The following ITPR1 variants were observed in gnomAD, a reference collection of about 807,000 sequenced individuals.
The protein encoded by ITPR1 is inositol 1,4,5-trisphosphate-gated calcium channel ITPR1.
Under a neutral mutation model 318.4 loss-of-function variants are expected in ITPR1, and 96 were observed. The observed-to-expected ratio is 0.30, with a 90% CI of 0.26 to 0.36. The LOEUF (loss-of-function observed/expected upper bound fraction) is 0.36. Among genes scored for constraint, ITPR1 ranks in the 10% least tolerant of loss-of-function variants. The pLI, the probability that ITPR1 is intolerant of heterozygous loss-of-function variation, is 1.00. For synonymous variants in ITPR1, 1,312 were observed against 1,289.9 expected, an observed-to-expected ratio of 1.02 and a Z score of -0.37; for missense variants, 2,440 against 3,460.2, an observed-to-expected ratio of 0.71 and a Z score of 7.40.
intron 4 of ITPR1, 72 bp from the exon 5 acceptor site, chr3:4,627,691 C>CTT: frequency 4.3e-5 from 34 of 791,410 alleles, no homozygotes; most frequent in South Asian, 1.1e-4. Flanking sequence ...AGTGGAAAGC[C>CTT]TTTTTTTTTT....
chr3:4,777,821 T>C (rs7633658), intron 48 of ITPR1, among the ~76,000 whole-genome samples: 3,090 of 151,314 alleles, frequency 0.02, 115 homozygotes, highest in African/African-American at 0.07. Context: ...CAAACATGTA[T>C]TTTTACTTAA....
At chr3:4,661,442 C>G (rs1020525484) in intron 14 of ITPR1, among the ~76,000 whole-genome samples, 2 of 152,072 alleles carry the variant, frequency 1.3e-5, no homozygotes, top group African/African-American at 4.8e-5. Flanking sequence ...TTCCCCCAAT[C>G]TCTATTATTT....
Position 4,670,745 on chromosome 3 carries a change from T to C in ITPR1, c.2023T>C (p.Phe675Leu). ...GTTTTCTAGGTTGGTTCTTTCTCGT[T>C]TTGAATTTGAAGGTGTCTCTTCCAC... ...LIETKLVLSR[F>L]EFEGVSSTGE... is the part of the protein sequence containing the mutation. Residue 675 changes from phenylalanine to leucine, a missense_variant, in exon 20 of 62, where the codon TTT becomes CTT. By Grantham distance (22) the Phe-to-Leu change is conservative. This residue lies in a region of ITPR1 where 478 missense variants were observed against 696.3 expected (regional missense o/e 0.69). Transcript: ENST00000649015. 1 of 1,593,606 alleles carries C rather than the reference T, an allele frequency of 6.3e-7. No individual in the cohort carries two copies. Among genetic ancestry groups the C allele is most frequent in the Non-Finnish European group, 8.6e-7 (1 of 1,169,054 alleles).
At chr3:4,546,701 AG>A (rs1390642876) in intron 4 of ITPR1, among the ~76,000 whole-genome samples, 1 of 150,762 alleles carries the variant, frequency 6.6e-6, no homozygotes, top group Non-Finnish European at 1.5e-5. Flanking sequence ...TTAATGGCAG[AG>A]GTGTAGGGTG....
rs114440637 is a variant in ITPR1 at position 4,574,014 on chromosome 3, T to C, written c.163+52920T>C. ...CGTAAAATAATATTTTGTAGCCATG[T>C]GTTTAAGCAGCTTTGGCCATGGCGA... On this transcript the variant is annotated intron_variant, in intron 4 of 61. Transcript: ENST00000649015. 3.1e-3 allele frequency among the ~76,000 whole-genome samples: 475 copies of C among 152,318 alleles called. 1 individual carries two copies. Among genetic ancestry groups the C allele is most frequent in the African/African-American group, 0.011 (447 of 41,566 alleles).
chr3:4,695,962 T>C (rs1455774901), intron 33 of ITPR1, among the ~76,000 whole-genome samples: 1 of 152,214 alleles, frequency 6.6e-6, no homozygotes, highest in Admixed American at 6.5e-5. Context: ...CAATTTGATG[T>C]GATACAGTCC....
intron 4 of ITPR1, among the ~76,000 whole-genome samples, chr3:4,550,044 C>T (rs912007960): frequency 7.9e-5 from 12 of 152,132 alleles, no homozygotes; most frequent in African/African-American, 2.9e-4. Flanking sequence ...CTAATGAAAT[C>T]AATGTCTGCA....
At chr3:4,733,481 T>A (rs550398555) in intron 43 of ITPR1, among the ~76,000 whole-genome samples, 1 of 152,106 alleles carries the variant, frequency 6.6e-6, no homozygotes, top group African/African-American at 2.4e-5. Context: ...TTGGTGATGG[T>A]TGAATGATTT....
intron 60 of ITPR1, among the ~76,000 whole-genome samples, chr3:4,824,327 TA>T (rs964594893): frequency 1.5e-4 from 23 of 152,330 alleles, no homozygotes; most frequent in African/African-American, 5.3e-4. Flanking sequence ...CACAGCATGG[TA>T]GGTGGTACTA....
chr3:4,617,856 A>T (rs112841183), intron 4 of ITPR1, among the ~76,000 whole-genome samples: 1 of 151,636 alleles, frequency 6.6e-6, no homozygotes, highest in Non-Finnish European at 1.5e-5. Flanking sequence ...TTACAGGCTT[A>T]CACCTGTAGT....
rs538512644 is a variant in ITPR1 at position 4,688,851 on chromosome 3, A to G, written c.3828+231A>G. Among the ~76,000 whole-genome samples, 53 of 152,342 alleles carry G rather than the reference A, an allele frequency of 3.5e-4. No homozygotes were observed. In the South Asian group the frequency reaches 0.011, roughly 31 times the overall value. On this transcript the variant is annotated intron_variant, in intron 31 of 61. Coordinates refer to ENST00000649015, the MANE Select transcript of ITPR1 (RefSeq NM_001378452.1). ...AGGAGGAAAGTGAGATGGATAAAGT[A>G]AGATACGTGTCTATATTTTCCTAGT...
At chr3:4,711,947 C>G in intron 39 of ITPR1, 79 bp downstream of exon 39, 1 of 634,304 alleles carries the variant, frequency 1.6e-6, no homozygotes, top group South Asian at 2.7e-5. Context: ...CCCACCTTAG[C>G]TCAGGCATTA....
chr3:4,688,476 T>C lies in ITPR1; in HGVS notation c.3703-19T>C, dbSNP rs1275860113. The C allele has an allele frequency of 3.7e-6, 6 of 1,613,044 alleles. No homozygotes were observed. Among genetic ancestry groups the C allele is most frequent in the Admixed American group, 1.7e-5 (1 of 59,986 alleles). ...CCTGGCCCAGCAATCAGTGCTTTCA[T>C]CTGTCTCCTCCCACACAGGCCGAAG... is the stretch of plus-strand genomic sequence containing the variant. On this transcript the variant is annotated intron_variant, in intron 30 of 61. Coordinates refer to ENST00000649015, the MANE Select transcript of ITPR1 (RefSeq NM_001378452.1).
In ITPR1 at chr3:4,618,487, A is replaced by G. The variant is rs536483225; in HGVS notation, c.164-9276A>G. Among the ~76,000 whole-genome samples, 19 of 152,348 alleles carry G rather than the reference A, an allele frequency of 1.2e-4. 2 individuals are homozygous for G. The highest frequency in any genetic ancestry group is 1.2e-3 in the Admixed American group (18 of 15,300). ...ATGTCCCAGTTTTCTGGCTAAACTAATATTCAGTCTTAATATTTTTATGAC... is the reference window on the plus strand; with the variant it reads ...ATGTCCCAGTTTTCTGGCTAAACTAGTATTCAGTCTTAATATTTTTATGAC... On this transcript the variant is annotated intron_variant, in intron 4 of 61. Coordinates refer to ENST00000649015, the MANE Select transcript of ITPR1 (RefSeq NM_001378452.1).
chr3:4,768,898 C>CTTTTTT (rs1409654468), intron 46 of ITPR1, 134 bp downstream of exon 46: 2 of 819,804 alleles, frequency 2.4e-6, no homozygotes, highest in Non-Finnish European at 3.7e-6. Context: ...CTTTTTTTTC[C>CTTTTTT]TTTTTCTTTT....
At chr3:4,563,330 A>C (rs1017184932) in intron 4 of ITPR1, among the ~76,000 whole-genome samples, 2 of 152,058 alleles carry the variant, frequency 1.3e-5, no homozygotes, top group South Asian at 4.1e-4. Context: ...CAACATAGGG[A>C]CACCGTACGT....
intron 55 of ITPR1, among the ~76,000 whole-genome samples, chr3:4,810,839 C>T (rs895712495): frequency 3.3e-5 from 5 of 152,174 alleles, no homozygotes; most frequent in East Asian, 1.9e-4. Flanking sequence ...GCTTGTAGTA[C>T]GTCTGCCTTC....
chr3:4,818,104 C>T lies in ITPR1; in HGVS notation c.7890C>T (p.Asp2630=). 6.2e-7 allele frequency: 1 copy of T among 1,602,998 alleles called. No individual in the cohort carries two copies. Among genetic ancestry groups the T allele is most frequent in the Non-Finnish European group, 8.5e-7 (1 of 1,171,894 alleles). The change falls in exon 60 of 62, where the codon GAC becomes GAT. Residue 2630 remains aspartate (D), a synonymous_variant. Coordinates refer to ENST00000649015, the MANE Select transcript of ITPR1 (RefSeq NM_001378452.1). ...FICGLERDKF[D]NKTVTFEEHI... is the part of the protein sequence containing the mutation. The stretch of plus-strand genomic sequence containing the variant: ...TAGGCTTGGAAAGAGACAAGTTTGA[C>T]AACAAGACTGTCACCTTTGAAGAGC...
intron 10 of ITPR1, 104 bp from the exon 11 acceptor site, chr3:4,652,019 A>C (rs538942828): frequency 2.3e-6 from 2 of 877,686 alleles, no homozygotes; most frequent in East Asian, 5.3e-5. Context: ...TTCTTTTTCT[A>C]GCTTATAAAC....
Sources: allele counts gnomAD v4.1 joint callset (sites outside exome capture counted in the v4.1 genomes callset), GRCh38; gene constraint gnomAD v4.1.1; regional missense constraint gnomAD v4.1.1; transcripts MANE v1.5; gene names NCBI Gene and HGNC (gene_info 2026-07-23, HGNC 2026-07-21).